EIF4G3: variants seen among roughly 807,000 people sequenced by gnomAD.
EIF4G3 encodes eukaryotic translation initiation factor 4 gamma 3.
Under a neutral mutation model 186.4 loss-of-function variants are expected in EIF4G3, and 34 were observed. That is an observed-to-expected ratio of 0.18 (90% CI 0.14 to 0.24). The LOEUF is 0.24. Among genes scored for constraint, EIF4G3 ranks in the 10% least tolerant of loss-of-function variants. The probability of loss-of-function intolerance (pLI) is 1.00; values close to 1 mark genes in which losing one functional copy is unlikely to be tolerated. For synonymous variants in EIF4G3, 673 were observed against 679.5 expected (o/e 0.99, Z 0.15); for missense variants, 1,536 against 1,948.5 (o/e 0.79, Z 3.99).
intron 12 of EIF4G3, among the ~76,000 whole-genome samples, chr1:20,953,128 A>G (rs2096283156): frequency 1.3e-5 from 2 of 152,212 alleles, no homozygotes; most frequent in Admixed American, 6.5e-5. Flanking sequence ...GAAAACTTAT[A>G]AAATCATTCT....
chr1:21,136,865 T>C (rs1181737364), intron 2 of EIF4G3, among the ~76,000 whole-genome samples: 2 of 152,220 alleles, frequency 1.3e-5, no homozygotes, highest in Non-Finnish European at 2.9e-5. Flanking sequence ...CGCTGGGCTA[T>C]TGAAGTCTTG....
At position 20,921,786 on chromosome 1, in the gene EIF4G3, C is replaced by T. The variant is rs143865711; in HGVS notation, c.1664-16815G>A. ...AAGTGGCATGGAAAGTAGAAGAAAA[C>T]GTGCACCTGCTTCTGCTTTTCTCAT... is the stretch of plus-strand genomic sequence containing the variant. On this transcript the variant is annotated intron_variant, in intron 14 of 36. Transcript: ENST00000602326. Among the ~76,000 whole-genome samples, 20 of 152,318 alleles carry T rather than the reference C, an allele frequency of 1.3e-4. No homozygotes were observed. In the East Asian group the frequency reaches 1.5e-3, roughly 12 times the overall value.
At chr1:21,160,355 A>G (rs1190392071) in intron 2 of EIF4G3, among the ~76,000 whole-genome samples, 2 of 152,108 alleles carry the variant, frequency 1.3e-5, no homozygotes, top group Non-Finnish European at 2.9e-5. Flanking sequence ...GTGAAATAGA[A>G]AGTCACAATT....
chr1:21,073,622 T>C, intron 3 of EIF4G3: 4 of 517,752 alleles, frequency 7.7e-6, no homozygotes, highest in Admixed American at 5.8e-5. Context: ...TAAGTCTCCC[T>C]GGGCACACGC....
chr1:20,915,313 T>C (rs1165076616), intron 14 of EIF4G3, among the ~76,000 whole-genome samples: 1 of 152,100 alleles, frequency 6.6e-6, no homozygotes, highest in Non-Finnish European at 1.5e-5. Flanking sequence ...CAATATCAAT[T>C]TTACACCAAC....
At chr1:20,901,288 G>A (rs1301353289) in intron 15 of EIF4G3, among the ~76,000 whole-genome samples, 1 of 152,002 alleles carries the variant, frequency 6.6e-6, no homozygotes, top group Admixed American at 6.5e-5. Context: ...TCATGAATCA[G>A]CAGCCTCATT....
chr1:21,037,424 T>G (rs1226691190), intron 4 of EIF4G3, among the ~76,000 whole-genome samples: 1 of 152,148 alleles, frequency 6.6e-6, no homozygotes, highest in African/African-American at 2.4e-5. Context: ...TTGAAAACAC[T>G]ATAGTATAAC....
At chr1:21,159,791 A>C (rs1281812182) in intron 2 of EIF4G3, among the ~76,000 whole-genome samples, 4 of 151,714 alleles carry the variant, frequency 2.6e-5, no homozygotes, top group African/African-American at 9.7e-5. Context: ...ACACAGTAAG[A>C]CTATCTCTAC....
At chr1:20,812,780 G>T (rs1035168123) in intron 35 of EIF4G3, among the ~76,000 whole-genome samples, 1 of 152,070 alleles carries the variant, frequency 6.6e-6, no homozygotes, top group African/African-American at 2.4e-5. Context: ...TGACTTTTTT[G>T]ATGAGAATAA....
At chr1:20,920,354 CTTTT>C (rs748180032) in intron 14 of EIF4G3, among the ~76,000 whole-genome samples, 1 of 152,044 alleles carries the variant, frequency 6.6e-6, no homozygotes. Context: ...TATTCACATT[CTTTT>C]TTATTAGTAA....
intron 4 of EIF4G3, chr1:21,003,845 A>T (rs1265402410): frequency 1.4e-5 from 5 of 345,240 alleles, no homozygotes; most frequent in Non-Finnish European, 2.8e-5. Context: ...GAAACAGGAA[A>T]GCATGACCTA....
At chr1:20,883,541 T>C (rs2083102065) in intron 19 of EIF4G3, among the ~76,000 whole-genome samples, 1 of 151,526 alleles carries the variant, frequency 6.6e-6, no homozygotes, top group African/African-American at 2.4e-5. Flanking sequence ...CACTTGAACC[T>C]GGGAGGCGGA....
intron 4 of EIF4G3, among the ~76,000 whole-genome samples, chr1:21,039,571 G>C (rs534181634): frequency 2.0e-5 from 3 of 152,240 alleles, no homozygotes; most frequent in Non-Finnish European, 4.4e-5. Flanking sequence ...GATAAGCTGG[G>C]GGGATCCCTT....
At chr1:21,053,197 C>A (rs1015277787) in intron 3 of EIF4G3, among the ~76,000 whole-genome samples, 1 of 151,918 alleles carries the variant, frequency 6.6e-6, no homozygotes, top group South Asian at 2.1e-4. Flanking sequence ...CCTGCCACCC[C>A]GTCTGGGATG....
At chr1:20,911,518 G>A in intron 14 of EIF4G3, among the ~76,000 whole-genome samples, 1 of 133,632 alleles carries the variant, frequency 7.5e-6, no homozygotes, top group East Asian at 2.3e-4. Flanking sequence ...CTATGACCGT[G>A]CCACTGTACT....
intron 4 of EIF4G3, among the ~76,000 whole-genome samples, chr1:21,011,454 C>T (rs1014350360): frequency 6.6e-6 from 1 of 152,178 alleles, no homozygotes; most frequent in Non-Finnish European, 1.5e-5. Context: ...TACAGTACAA[C>T]AGCCAGAAAA....
At chr1:21,168,543 C>T (rs1244989836) in intron 2 of EIF4G3, among the ~76,000 whole-genome samples, 1 of 152,056 alleles carries the variant, frequency 6.6e-6, no homozygotes, top group Non-Finnish European at 1.5e-5. Flanking sequence ...CGGCCTCAGC[C>T]TCCTGAGTAG....
chr1:20,974,770 GGAAA>G (rs1358845038), intron 10 of EIF4G3, among the ~76,000 whole-genome samples: 1 of 152,110 alleles, frequency 6.6e-6, no homozygotes, highest in Non-Finnish European at 1.5e-5. Flanking sequence ...TGTCAATGTG[GGAAA>G]GAAAGAATTG....
intron 2 of EIF4G3, among the ~76,000 whole-genome samples, chr1:21,174,476 G>A (rs1239349848): frequency 6.6e-6 from 1 of 152,116 alleles, no homozygotes; most frequent in Non-Finnish European, 1.5e-5. Context: ...CTGTTCAATT[G>A]CCAAAACAGC....
Sources: allele counts gnomAD v4.1 joint callset (sites outside exome capture counted in the v4.1 genomes callset), GRCh38; gene constraint gnomAD v4.1.1; transcripts MANE v1.5; gene names NCBI Gene and HGNC (gene_info 2026-07-23, HGNC 2026-07-21).